Variants in STRA8 observed in about 807,000 individuals in gnomAD.
STRA8 encodes the protein stimulated by retinoic acid 8.
A neutral mutation model predicts 37.1 loss-of-function variants in STRA8; 18 were observed. That is an observed-to-expected ratio of 0.48 (90% CI 0.34 to 0.72). STRA8 has a LOEUF of 0.72. STRA8 is among the 30% of genes least tolerant of loss of function. The probability of loss-of-function intolerance (pLI) is 0.01; values close to 1 mark genes in which losing one functional copy is unlikely to be tolerated. For synonymous variants in STRA8, 168 were observed against 162.9 expected (o/e 1.03, Z -0.24); for missense variants, 357 against 410.4 (o/e 0.87, Z 1.13).
At chr7:135,248,058 A>G (rs1832590396) in intron 6 of STRA8, among the ~76,000 whole-genome samples, 1 of 152,116 alleles carries the variant, frequency 6.6e-6, no homozygotes, top group Admixed American at 6.5e-5. Context: ...TGAGGAGACG[A>G]CATGCTAGTT....
upstream of STRA8, among the ~76,000 whole-genome samples, chr7:135,232,824 A>T (rs909738815): frequency 6.6e-6 from 1 of 152,016 alleles, no homozygotes; most frequent in Admixed American, 6.6e-5. Flanking sequence ...TGCGAGGTGG[A>T]TTCTAATCCA....
chr7:135,246,239 C>T lies in STRA8; in HGVS notation c.594-178C>T, dbSNP rs1832550942. The T allele has an allele frequency of 3.6e-6, 3 of 823,536 alleles. No homozygotes were observed. Among genetic ancestry groups the T allele is most frequent in the Non-Finnish European group, 5.7e-6 (3 of 529,976 alleles). 51.0% of individuals were successfully genotyped at this position (823,536 alleles called of 1,614,324 possible). A position where few individuals can be genotyped will look rare whatever the true frequency, so the allele number is the denominator to read the frequency against. On this transcript the variant is annotated intron_variant, in intron 5 of 8. Coordinates refer to ENST00000662584, the MANE Select transcript of STRA8 (RefSeq NM_001394401.1). This position sits in a 1 kb window ranked among gnomAD's most constrained non-coding sequence, Gnocchi z 5.4. ...GCCCAAGTCTATGTCCTTCATGGCC[C>T]CCAGGAAGGCTGCTGCTCTCCAAGG... is the stretch of plus-strand genomic sequence containing the variant.
Position 135,251,695 on chromosome 7 carries a change from G to A in STRA8, c.880-101G>A. On this transcript the variant is annotated intron_variant, in intron 6 of 8. Transcript: ENST00000662584. ...GACATGCATGCCCTCTGGGGTATGT[G>A]TAAAGAGAGAGCCTTTCCACTCATC... 2.2e-5 allele frequency: 26 copies of A among 1,181,080 alleles called. 1 individual carries two copies. In the South Asian group the frequency reaches 3.0e-4, roughly 14 times the overall value. The allele number at this position is 1,181,080 out of a possible 1,614,324, so 73.2% of individuals were successfully genotyped here. A position where few individuals can be genotyped will look rare whatever the true frequency, so the allele number is the denominator to read the frequency against.
intron 6 of STRA8, among the ~76,000 whole-genome samples, chr7:135,251,435 T>G (rs1301772058): frequency 2.0e-5 from 3 of 152,124 alleles, no homozygotes; most frequent in Non-Finnish European, 4.4e-5. Context: ...TCCAATAATC[T>G]GTGCGCCTTG....
upstream of STRA8, chr7:135,232,091 C>T (rs571943787): frequency 8.3e-6 from 11 of 1,325,562 alleles, no homozygotes; most frequent in South Asian, 1.0e-4. Context: ...TTTCTGGGTG[C>T]ACATCTGCTT....
intron 8 of STRA8, 65 bp downstream of exon 8, chr7:135,255,290 A>G: frequency 7.8e-7 from 1 of 1,274,764 alleles, no homozygotes; most frequent in Non-Finnish European, 1.1e-6. Context: ...AAGGGCTCTT[A>G]AGGGCAGCCC....
intron 8 of STRA8, among the ~76,000 whole-genome samples, chr7:135,255,748 TC>T (rs1832695944): frequency 6.6e-6 from 1 of 152,212 alleles, no homozygotes; most frequent in Admixed American, 6.5e-5. Context: ...AAAATTGTCT[TC>T]CGTGAAACTG....
chr7:135,245,214 T>G, intron 4 of STRA8, 74 bp from the exon 5 acceptor site: 2 of 776,492 alleles, frequency 2.6e-6, no homozygotes, highest in Non-Finnish European at 4.8e-6. Flanking sequence ...CTTGCTAAAG[T>G]TGCTAAGAAT....
In STRA8 at chr7:135,255,135, C is replaced by T. The variant is rs999022740; in HGVS notation, c.975C>T (p.Asn325=). ...TCAGTTCAGTGCTTGCCAGCTGCAA[C>T]CCAGAAAACCCAGAGGAGAAGTTTC... ...SSSSSVLASC[N]PENPEEKFQL... The change falls in exon 8 of 9, where the codon AAC becomes AAT. Residue 325 remains asparagine, a synonymous_variant. Transcript: ENST00000662584. The T allele has an allele frequency of 1.9e-6, 3 of 1,614,010 alleles. No individual in the cohort carries two copies. Among genetic ancestry groups the T allele is most frequent in the African/African-American group, 2.7e-5 (2 of 75,034 alleles).
intron 1 of STRA8, among the ~76,000 whole-genome samples, chr7:135,234,542 G>A (rs528604595): frequency 6.6e-6 from 1 of 152,310 alleles, no homozygotes; most frequent in African/African-American, 2.4e-5. Flanking sequence ...CAAATATTTT[G>A]TGGACTGATG....
intron 6 of STRA8, among the ~76,000 whole-genome samples, chr7:135,251,526 G>A (rs761981368): frequency 1.3e-5 from 2 of 152,114 alleles, no homozygotes; most frequent in Non-Finnish European, 2.9e-5. Context: ...CACCTTCGTC[G>A]GCAAGAGGAA....
At chr7:135,242,752 C>T in intron 2 of STRA8, 29 bp from the exon 3 acceptor site, 1 of 1,611,884 alleles carries the variant, frequency 6.2e-7, no homozygotes, top group Non-Finnish European at 8.5e-7. Context: ...GAGAGGCTGG[C>T]TTTCAGCATT....
At chr7:135,240,842 A>C in intron 2 of STRA8, 126 bp downstream of exon 2, 1 of 1,017,706 alleles carries the variant, frequency 9.8e-7, no homozygotes, top group Non-Finnish European at 1.4e-6. Context: ...GTAGCGACAA[A>C]TGCCCTAGAC....
chr7:135,234,280 G>C (rs1171566028), intron 1 of STRA8, among the ~76,000 whole-genome samples: 1 of 152,082 alleles, frequency 6.6e-6, no homozygotes, highest in Admixed American at 6.6e-5. Flanking sequence ...CTAATTGTTT[G>C]TATTTCTAGT....
Position 135,237,536 on chromosome 7 carries a change from G to A in STRA8, c.-6-2983G>A, listed in dbSNP as rs1368763395. On this transcript the variant is annotated intron_variant, in intron 1 of 8. Coordinates refer to ENST00000662584, the MANE Select transcript of STRA8 (RefSeq NM_001394401.1). The stretch of plus-strand genomic sequence containing the variant: ...AACTTCTGAGGCACTTCTTCCAGGC[G>A]AGCCAGCCCTTCACACAAATCACAG... 5.9e-5 allele frequency among the ~76,000 whole-genome samples: 9 copies of A among 152,194 alleles called. No homozygotes were observed. In the South Asian group the frequency reaches 8.3e-4, roughly 14 times the overall value.
intron 3 of STRA8, 34 bp from the exon 4 acceptor site, chr7:135,243,290 TTC>T (rs771341073): frequency 6.2e-7 from 1 of 1,611,492 alleles, no homozygotes; most frequent in East Asian, 2.2e-5. Context: ...GGCCTGACTT[TTC>T]TCTTTGTGTT....
At chr7:135,250,454 C>T (rs1832620894) in intron 6 of STRA8, among the ~76,000 whole-genome samples, 1 of 151,994 alleles carries the variant, frequency 6.6e-6, no homozygotes, top group Admixed American at 6.6e-5. Flanking sequence ...TTGAAATGAC[C>T]ACAGAGATAT....
chr7:135,246,259 C>T lies in STRA8; in HGVS notation c.594-158C>T, dbSNP rs1415948049. 7 of 1,029,152 alleles carry T rather than the reference C, an allele frequency of 6.8e-6. No homozygotes were observed. The East Asian group carries it at 1.8e-4, about 27-fold the overall frequency. 63.8% of individuals were successfully genotyped at this position (1,029,152 alleles called of 1,614,324 possible). On this transcript the variant is annotated intron_variant, in intron 5 of 8. Coordinates refer to ENST00000662584, the MANE Select transcript of STRA8 (RefSeq NM_001394401.1). The surrounding 1 kb of genome is among the most constrained non-coding windows in gnomAD (Gnocchi z 5.4). ...TGGCCCCCAGGAAGGCTGCTGCTCT[C>T]CAAGGGCCAGGGGCGTGCAGAGTCT...
At chr7:135,252,273 A>G (rs1285163260) in intron 7 of STRA8, among the ~76,000 whole-genome samples, 2 of 152,270 alleles carry the variant, frequency 1.3e-5, no homozygotes, top group Admixed American at 6.5e-5. Context: ...ACATGGTGAC[A>G]GGAGAGAGAG....
Sources: gnomAD v4.1 joint callset for allele counts (sites outside exome capture counted in the v4.1 genomes callset) on GRCh38, gnomAD v4.1.1 for gene constraint, Gnocchi (gnomAD v3.1) non-coding constraint, MANE v1.5 for transcripts, NCBI Gene and HGNC (gene_info 2026-07-23, HGNC 2026-07-21) for gene names.